The following PTH2R variants were observed in gnomAD, a reference collection of about 807,000 sequenced individuals.
PTH2R encodes the protein PTH2 receptor.
Under a neutral mutation model 60.3 loss-of-function variants are expected in PTH2R, and 59 were observed. The ratio of observed to expected loss-of-function variants is 0.98; its 90% CI spans 0.79 to 1.22. The LOEUF (loss-of-function observed/expected upper bound fraction) is 1.22, where lower values mean the gene tolerates loss of function less well. Among genes scored for constraint, PTH2R ranks in the 50% most tolerant of loss-of-function variants. The pLI is 0.00. For synonymous variants in PTH2R, 256 were observed against 243.8 expected (o/e 1.05, Z -0.47); for missense variants, 749 against 682.6 (o/e 1.10, Z -1.08).
At chr2:208,492,600 T>C (rs1456926241) in intron 12 of PTH2R, among the ~76,000 whole-genome samples, 1 of 152,156 alleles carries the variant, frequency 6.6e-6, no homozygotes, top group African/African-American at 2.4e-5. Flanking sequence ...TTGATTTTTA[T>C]ATTTTGAAGG....
At chr2:208,437,436 TACAG>T (rs1168752499) in intron 2 of PTH2R, 97 bp from the exon 3 acceptor site, 2 of 833,566 alleles carry the variant, frequency 2.4e-6, no homozygotes, top group Non-Finnish European at 3.7e-6. Flanking sequence ...TTAATTTTGC[TACAG>T]ACAATGACCT....
At chr2:208,392,588 G>A (rs1701126177) in intron 1 of PTH2R, among the ~76,000 whole-genome samples, 1 of 152,188 alleles carries the variant, frequency 6.6e-6, no homozygotes, top group Non-Finnish European at 1.5e-5. Flanking sequence ...ACCTAATAAA[G>A]GAGTGGGACT....
At chr2:208,465,452 G>C (rs1702727431) in intron 9 of PTH2R, among the ~76,000 whole-genome samples, 1 of 129,234 alleles carries the variant, frequency 7.7e-6, no homozygotes, top group Non-Finnish European at 1.6e-5. Context: ...ACCCAGGCTG[G>C]AGTGCAGTGG....
chr2:208,449,437 T>TGATC (rs1553546916), intron 7 of PTH2R, among the ~76,000 whole-genome samples: 3 of 2,694 alleles, frequency 1.1e-3, no homozygotes, highest in Non-Finnish European at 3.0e-3. Context: ...TGGAGAAATG[T>TGATC]GATAGATAGA....
chr2:208,485,119 G>A (rs543508827), intron 10 of PTH2R, among the ~76,000 whole-genome samples: 3 of 152,230 alleles, frequency 2.0e-5, no homozygotes, highest in African/African-American at 4.8e-5. Context: ...TCAAGGCCAC[G>A]GGAATTGATC....
chr2:208,478,455 C>T (rs887946967), intron 9 of PTH2R, among the ~76,000 whole-genome samples: 6 of 152,046 alleles, frequency 3.9e-5, no homozygotes, highest in Non-Finnish European at 8.8e-5. Flanking sequence ...AAAAGTGTAG[C>T]GATTTCCACT....
At chr2:208,378,879 G>C (rs544730108) in intron 1 of PTH2R, among the ~76,000 whole-genome samples, 2 of 152,132 alleles carry the variant, frequency 1.3e-5, no homozygotes, top group African/African-American at 4.8e-5. Flanking sequence ...TGGAGCCTCG[G>C]TTTACTTGTG....
intron 1 of PTH2R, among the ~76,000 whole-genome samples, chr2:208,393,396 A>G (rs1419955686): frequency 1.3e-5 from 2 of 152,186 alleles, no homozygotes; most frequent in East Asian, 3.9e-4. Context: ...TGGACAGTTT[A>G]GAGTAATTGA....
At chr2:208,396,398 T>C (rs185797830) in intron 1 of PTH2R, among the ~76,000 whole-genome samples, 21 of 152,282 alleles carry the variant, frequency 1.4e-4, no homozygotes, top group Admixed American at 1.3e-3. Context: ...GAGAAAATTT[T>C]TGCAATCTGC....
At chr2:208,422,328 T>C (rs1265508335) in intron 1 of PTH2R, among the ~76,000 whole-genome samples, 1 of 152,114 alleles carries the variant, frequency 6.6e-6, no homozygotes, top group East Asian at 1.9e-4. Context: ...CGGAAACAAA[T>C]GTAATCTGGG....
chr2:208,371,638 A>G (rs1404019948), intron 1 of PTH2R, among the ~76,000 whole-genome samples: 1 of 152,156 alleles, frequency 6.6e-6, no homozygotes, highest in African/African-American at 2.4e-5. Flanking sequence ...GTATATCTGT[A>G]GAGATTGCGG....
upstream of PTH2R, among the ~76,000 whole-genome samples, chr2:208,403,616 G>A (rs1023376830): frequency 5.9e-5 from 9 of 152,104 alleles, no homozygotes; most frequent in Non-Finnish European, 7.3e-5. Flanking sequence ...GTTATTATTG[G>A]TGTGTAGCAA....
intron 2 of PTH2R, among the ~76,000 whole-genome samples, chr2:208,432,091 A>C (rs560121433): frequency 6.6e-6 from 1 of 152,346 alleles, no homozygotes; most frequent in Admixed American, 6.5e-5. Context: ...AAAGAGATAC[A>C]TCATCATGAA....
intron 9 of PTH2R, among the ~76,000 whole-genome samples, chr2:208,474,836 A>G (rs1424609318): frequency 2.0e-5 from 3 of 152,244 alleles, no homozygotes; most frequent in Non-Finnish European, 4.4e-5. Flanking sequence ...GAGAGGTACT[A>G]TTCACCTTTA....
intron 1 of PTH2R, among the ~76,000 whole-genome samples, chr2:208,401,283 C>T (rs1701303361): frequency 6.6e-6 from 1 of 152,146 alleles, no homozygotes; most frequent in Non-Finnish European, 1.5e-5. Context: ...TCTCCAAATT[C>T]TCCCCTACCT....
intron 1 of PTH2R, among the ~76,000 whole-genome samples, chr2:208,396,816 A>C (rs1307476983): frequency 6.6e-6 from 1 of 152,204 alleles, no homozygotes; most frequent in Non-Finnish European, 1.5e-5. Context: ...GTATATACCC[A>C]AAGGATTATA....
At chr2:208,364,773 T>C (rs1700545646) in intron 1 of PTH2R, among the ~76,000 whole-genome samples, 6 of 152,218 alleles carry the variant, frequency 3.9e-5, no homozygotes, top group Admixed American at 3.9e-4. Context: ...ATTAACATCT[T>C]AATAATATTA....
chr2:208,399,467 T>C (rs1172920804), intron 1 of PTH2R, among the ~76,000 whole-genome samples: 1 of 152,122 alleles, frequency 6.6e-6, no homozygotes, highest in Non-Finnish European at 1.5e-5. Flanking sequence ...AACAATGTCA[T>C]CTGTGAATGC....
intron 1 of PTH2R, among the ~76,000 whole-genome samples, chr2:208,389,465 C>A (rs1017752078): frequency 1.7e-4 from 26 of 152,178 alleles, no homozygotes; most frequent in African/African-American, 6.0e-4. Flanking sequence ...TCATAAACAC[C>A]AAAAGATAAC....
Sources: allele counts gnomAD v4.1 joint callset (sites outside exome capture counted in the v4.1 genomes callset), GRCh38; gene constraint gnomAD v4.1.1; transcripts MANE v1.5; gene names NCBI Gene and HGNC (gene_info 2026-07-23, HGNC 2026-07-21).